KHDRBS2: variants seen among roughly 807,000 people sequenced by gnomAD.
The protein encoded by KHDRBS2 is KH RNA binding domain containing, signal transduction associated 2.
Under a neutral mutation model 44.3 loss-of-function variants are expected in KHDRBS2, and 26 were observed. That is an observed-to-expected ratio of 0.59 (90% CI 0.43 to 0.81). The LOEUF is 0.81. KHDRBS2 is among the 40% of genes least tolerant of loss of function. The probability of loss-of-function intolerance (pLI) is 0.00; values close to 1 mark genes in which losing one functional copy is unlikely to be tolerated. For missense variants in KHDRBS2, 476 were observed against 433.1 expected, an observed-to-expected ratio of 1.10 and a Z score of -0.88; for synonymous variants, 194 against 151.1, an observed-to-expected ratio of 1.28 and a Z score of -2.08.
intron 2 of KHDRBS2, among the ~76,000 whole-genome samples, chr6:62,065,752 G>A (rs1439376022): frequency 6.7e-6 from 1 of 149,446 alleles, no homozygotes; most frequent in Non-Finnish European, 1.5e-5. Flanking sequence ...CCTGCACAAT[G>A]TGCACATGTA....
chr6:61,980,487 T>C (rs891772820), intron 3 of KHDRBS2, among the ~76,000 whole-genome samples: 1 of 152,192 alleles, frequency 6.6e-6, no homozygotes, highest in Non-Finnish European at 1.5e-5. Context: ...AGAAGTTTTA[T>C]AGAAAATAAG....
At chr6:61,620,943 C>G in the KHDRBS2 span, among the ~76,000 whole-genome samples, 1 of 152,240 alleles carries the variant, frequency 6.6e-6, no homozygotes, top group Non-Finnish European at 1.5e-5. Flanking sequence ...GTCTCCTTCT[C>G]TATTCCTACC....
At chr6:61,675,034 G>A (rs1297803124), downstream of KHDRBS2, among the ~76,000 whole-genome samples, 1 of 151,652 alleles carries the variant, frequency 6.6e-6, no homozygotes, top group Admixed American at 6.6e-5. Context: ...CTCTATTTAT[G>A]CAAGAAATGT....
At chr6:62,108,100 T>C (rs1473888268) in intron 2 of KHDRBS2, among the ~76,000 whole-genome samples, 5 of 152,138 alleles carry the variant, frequency 3.3e-5, no homozygotes, top group Non-Finnish European at 7.4e-5. Context: ...AAATGGGATC[T>C]AATTAAACTA....
chr6:61,774,397 G>T (rs1748329035), intron 6 of KHDRBS2, among the ~76,000 whole-genome samples: 1 of 151,904 alleles, frequency 6.6e-6, no homozygotes, highest in Non-Finnish European at 1.5e-5. Flanking sequence ...CTAGAAAACT[G>T]CATTGTCTCA....
intron 4 of KHDRBS2, among the ~76,000 whole-genome samples, chr6:61,904,540 C>T (rs1277665928): frequency 6.6e-6 from 1 of 152,222 alleles, no homozygotes; most frequent in Non-Finnish European, 1.5e-5. Flanking sequence ...ACTTCAGTTG[C>T]TGTGCTCTAA....
intron 3 of KHDRBS2, among the ~76,000 whole-genome samples, chr6:61,995,189 G>A (rs1584036030): frequency 1.3e-5 from 2 of 152,122 alleles, no homozygotes; most frequent in Middle Eastern, 3.4e-3. Flanking sequence ...TGGGGACCTT[G>A]ATCCTGAATT....
At chr6:62,151,864 G>A (rs989697381) in intron 2 of KHDRBS2, among the ~76,000 whole-genome samples, 2 of 152,148 alleles carry the variant, frequency 1.3e-5, no homozygotes, top group African/African-American at 2.4e-5. Flanking sequence ...AAATGATAAC[G>A]GGTAACATCT....
intron 3 of KHDRBS2, among the ~76,000 whole-genome samples, chr6:61,993,881 T>C (rs1212762532): frequency 6.6e-6 from 1 of 151,994 alleles, no homozygotes; most frequent in Non-Finnish European, 1.5e-5. Flanking sequence ...AAAAGATTTT[T>C]TGACTATACC....
intron 6 of KHDRBS2, among the ~76,000 whole-genome samples, chr6:61,831,948 G>T (rs1583060895): frequency 6.6e-6 from 1 of 152,210 alleles, no homozygotes; most frequent in South Asian, 2.1e-4. Context: ...TAATAAAAAA[G>T]GAAAGTATTT....
At chr6:62,232,523 AC>A (rs1833047477) in intron 1 of KHDRBS2, among the ~76,000 whole-genome samples, 1 of 152,222 alleles carries the variant, frequency 6.6e-6, no homozygotes, top group South Asian at 2.1e-4. Context: ...GAAAAAAACC[AC>A]CAACAACAAC....
intron 1 of KHDRBS2, among the ~76,000 whole-genome samples, chr6:62,268,110 C>T (rs1226401337): frequency 3.3e-5 from 5 of 151,942 alleles, no homozygotes; most frequent in Non-Finnish European, 5.9e-5. Context: ...CATCTAAATT[C>T]ATTTCTCTTC....
chr6:62,019,601 A>C (rs1417524996), intron 3 of KHDRBS2, among the ~76,000 whole-genome samples: 1 of 152,100 alleles, frequency 6.6e-6, no homozygotes, highest in Non-Finnish European at 1.5e-5. Flanking sequence ...AAGGCTTCTT[A>C]GTACAAAATA....
At chr6:61,569,149 C>T in the KHDRBS2 span, among the ~76,000 whole-genome samples, 12 of 152,150 alleles carry the variant, frequency 7.9e-5, no homozygotes, top group Non-Finnish European at 1.5e-4. Flanking sequence ...ACTTCCCTGG[C>T]ACAGCAAAGG....
chr6:62,054,088 A>G (rs1339038036), intron 2 of KHDRBS2, among the ~76,000 whole-genome samples: 1 of 152,124 alleles, frequency 6.6e-6, no homozygotes, highest in African/African-American at 2.4e-5. Context: ...AATGGCGTAT[A>G]GATTTCTAGT....
At chr6:62,191,656 C>A (rs1198017926) in intron 1 of KHDRBS2, among the ~76,000 whole-genome samples, 3 of 152,044 alleles carry the variant, frequency 2.0e-5, no homozygotes, top group African/African-American at 7.2e-5. Flanking sequence ...CTGAATAAAT[C>A]TTTCTAGAAG....
chr6:62,156,587 T>C (rs1050842921), intron 2 of KHDRBS2, among the ~76,000 whole-genome samples: 3 of 152,186 alleles, frequency 2.0e-5, no homozygotes, highest in Non-Finnish European at 2.9e-5. Context: ...TGTTACTAGA[T>C]TTTTTGTTGT....
chr6:61,974,277 C>T (rs1772031057), intron 4 of KHDRBS2, among the ~76,000 whole-genome samples: 1 of 151,786 alleles, frequency 6.6e-6, no homozygotes, highest in Admixed American at 6.6e-5. Flanking sequence ...TAAATGTTAC[C>T]CCCTAGAGTT....
At chr6:62,256,393 G>A (rs1837398070) in intron 1 of KHDRBS2, among the ~76,000 whole-genome samples, 1 of 151,960 alleles carries the variant, frequency 6.6e-6, no homozygotes, top group African/African-American at 2.4e-5. Flanking sequence ...GGACCCAGTA[G>A]GAGGTAATTA....
Sources: gnomAD v4.1 joint callset for allele counts (sites outside exome capture counted in the v4.1 genomes callset) on GRCh38, gnomAD v4.1.1 for gene constraint, MANE v1.5 for transcripts, NCBI Gene and HGNC (gene_info 2026-07-23, HGNC 2026-07-21) for gene names.